NAV2: variants seen among roughly 807,000 people sequenced by gnomAD.
NAV2 encodes the protein helicase, APC down-regulated 1.
Under a neutral mutation model 223.2 loss-of-function variants are expected in NAV2, and 54 were observed. The observed-to-expected ratio is 0.24, with a 90% CI of 0.19 to 0.30. The LOEUF (loss-of-function observed/expected upper bound fraction) is 0.30. Among genes scored for constraint, NAV2 ranks in the 10% least tolerant of loss-of-function variants. The pLI is 1.00. For missense variants in NAV2, 2,806 were observed against 3,147.5 expected (o/e 0.89, Z 2.60); for synonymous variants, 1,279 against 1,239.3 (o/e 1.03, Z -0.67).
Position 19,485,163 on chromosome 11 carries a change from C to T in NAV2, c.75+134136C>T, listed in dbSNP as rs956060527. On this transcript the variant is annotated intron_variant, in intron 1 of 37. Coordinates refer to the NAV2 transcript ENST00000360655. ...TAGTGCAAAGGTCCTTATCTAGGGG[C>T]CTAAGAGCTTTACTTTGCCATAACT... is the stretch of plus-strand genomic sequence containing the variant. Among the ~76,000 whole-genome samples, 3 of 152,096 alleles carry T rather than the reference C, an allele frequency of 2.0e-5. No homozygotes were observed. In the East Asian group the frequency reaches 5.8e-4, roughly 29 times the overall value.
At chr11:19,678,100 G>T (rs1333564640) in intron 1 of NAV2, among the ~76,000 whole-genome samples, 1 of 152,190 alleles carries the variant, frequency 6.6e-6, no homozygotes, top group African/African-American at 2.4e-5. Context: ...AGGGGATGCT[G>T]ACCAAGAAGA....
intron 1 of NAV2, among the ~76,000 whole-genome samples, chr11:19,698,417 G>A (rs984393015): frequency 6.6e-6 from 1 of 152,220 alleles, no homozygotes; most frequent in African/African-American, 2.4e-5. Context: ...CCCTGGTGGA[G>A]AGCCATTGAA....
At chr11:19,876,549 A>T (rs1372914609) in intron 4 of NAV2, among the ~76,000 whole-genome samples, 1 of 152,208 alleles carries the variant, frequency 6.6e-6, no homozygotes, top group East Asian at 1.9e-4. Flanking sequence ...CTAAGAGGAA[A>T]TATATTTATT....
intron 3 of NAV2, among the ~76,000 whole-genome samples, chr11:19,864,396 A>C (rs914735132): frequency 6.6e-6 from 1 of 152,212 alleles, no homozygotes; most frequent in East Asian, 1.9e-4. Flanking sequence ...AACAGATGGT[A>C]TTTGATCAGT....
chr11:19,892,369 C>T, intron 5 of NAV2, 65 bp from the exon 6 acceptor site: 3 of 1,508,078 alleles, frequency 2.0e-6, no homozygotes, highest in East Asian at 2.3e-5. Flanking sequence ...GTTGCAGTTC[C>T]TTCTTCCTAC....
At chr11:20,039,332 T>A (rs1428860605) in intron 12 of NAV2, among the ~76,000 whole-genome samples, 1 of 152,192 alleles carries the variant, frequency 6.6e-6, no homozygotes, top group Non-Finnish European at 1.5e-5. Flanking sequence ...AGGGAAATGC[T>A]TTATCAGCAC....
chr11:19,897,124 A>G lies in NAV2; in HGVS notation c.931+4530A>G, dbSNP rs573505577. On this transcript the variant is annotated intron_variant, in intron 6 of 37. Transcript: ENST00000349880. ...TGGAAACCATCATTCTCAGCAAACTATCACAAGGACAAAAAACCAAACACC... is the reference window on the plus strand; with the variant it reads ...TGGAAACCATCATTCTCAGCAAACTGTCACAAGGACAAAAAACCAAACACC... 2.3e-3 allele frequency among the ~76,000 whole-genome samples: 353 copies of G among 152,146 alleles called. 7 individuals are homozygous for G. The East Asian group carries it at 0.042, about 18-fold the overall frequency.
chr11:19,432,696 G>T (rs1407217898), intron 1 of NAV2, among the ~76,000 whole-genome samples: 1 of 152,142 alleles, frequency 6.6e-6, no homozygotes, highest in African/African-American at 2.4e-5. Context: ...GTACAGCTAG[G>T]GTGTCCCTGT....
At chr11:19,914,828 G>A (rs933507816) in intron 6 of NAV2, among the ~76,000 whole-genome samples, 3 of 152,180 alleles carry the variant, frequency 2.0e-5, no homozygotes, top group African/African-American at 7.2e-5. Flanking sequence ...ACAGGCGTGA[G>A]CCACCGCGCC....
At position 19,674,036 on chromosome 11, in the gene NAV2, G is replaced by A. The variant is rs543673566; in HGVS notation, c.76-158448G>A. ...AATTAAGTAACAGCAACTCAGGGGC[G>A]CTTGGAAAGCAGCGTGGGCCGTCGT... On this transcript the variant is annotated intron_variant, in intron 1 of 37. Coordinates refer to the NAV2 transcript ENST00000360655. Among the ~76,000 whole-genome samples the A allele has an allele frequency of 2.3e-4, 35 of 152,298 alleles. 2 individuals carry two copies. The South Asian group carries it at 5.2e-3, about 23-fold the overall frequency.
intron 1 of NAV2, among the ~76,000 whole-genome samples, chr11:19,642,238 CA>C (rs1321465044): frequency 6.6e-6 from 1 of 152,188 alleles, no homozygotes; most frequent in African/African-American, 2.4e-5. Context: ...CCCACCCAGG[CA>C]CAAGCCAGGG....
chr11:20,093,295 C>G lies in NAV2; in HGVS notation c.5916+96C>G, dbSNP rs540817329. The G allele has an allele frequency of 1.2e-4, 95 of 801,648 alleles. 1 individual carries two copies. The East Asian group carries it at 2.1e-3, about 17-fold the overall frequency. 49.7% of individuals were successfully genotyped at this position (801,648 alleles called of 1,614,324 possible). A position where few individuals can be genotyped will look rare whatever the true frequency, so the allele number is the denominator to read the frequency against. The stretch of plus-strand genomic sequence containing the variant: ...TTGTAAAACCTCTATCACCTTGGAG[C>G]CTAAGGTGATTTGGAAATACTACTA... On this transcript the variant is annotated intron_variant, in intron 29 of 37. Transcript: ENST00000349880.
chr11:19,765,358 GTCC>G (rs1383494897), intron 1 of NAV2, among the ~76,000 whole-genome samples: 3 of 142,560 alleles, frequency 2.1e-5, no homozygotes, highest in South Asian at 2.2e-4. Flanking sequence ...TCCTCATCCT[GTCC>G]TCCTCATCTT....
intron 1 of NAV2, among the ~76,000 whole-genome samples, chr11:19,439,944 A>G (rs965804174): frequency 6.6e-6 from 1 of 152,228 alleles, no homozygotes; most frequent in South Asian, 2.1e-4. Flanking sequence ...AAATTGGTTT[A>G]AAAAAATTAA....
chr11:20,034,684 C>T (rs536504117), intron 11 of NAV2, among the ~76,000 whole-genome samples: 2 of 152,284 alleles, frequency 1.3e-5, no homozygotes, highest in East Asian at 1.9e-4. Flanking sequence ...GCCCAGCCCT[C>T]GATTAGCAAG....
intron 25 of NAV2, among the ~76,000 whole-genome samples, chr11:20,080,649 T>C (rs1417668524): frequency 6.6e-6 from 1 of 152,204 alleles, no homozygotes; most frequent in Non-Finnish European, 1.5e-5. Flanking sequence ...CCTAGGGATA[T>C]CATCAAACCA....
intron 1 of NAV2, chr11:19,714,300 C>T: frequency 1.8e-6 from 1 of 543,250 alleles, no homozygotes; most frequent in Non-Finnish European, 3.5e-6. Context: ...GGTCTTGGCC[C>T]CAAGAAGCCA....
rs1229346820 is a variant in NAV2, at chr11:19,351,143, G to A, written c.75+116G>A. ...TTGTCTGTCTTTCTCTCCGGAAGGAGGTAGCATGGTGGCTTGAGATTTGCT... is the reference window on the plus strand; with the variant it reads ...TTGTCTGTCTTTCTCTCCGGAAGGAAGTAGCATGGTGGCTTGAGATTTGCT... On this transcript the variant is annotated intron_variant, in intron 1 of 37. Transcript: ENST00000360655. 5 of 1,036,600 alleles carry A rather than the reference G, an allele frequency of 4.8e-6. No homozygotes were observed. In the East Asian group the frequency reaches 1.3e-4, roughly 27 times the overall value. The allele number at this position is 1,036,600 out of a possible 1,614,324, so 64.2% of individuals were successfully genotyped here.
At chr11:19,632,128 G>A (rs972321) in intron 1 of NAV2, among the ~76,000 whole-genome samples, 151,817 of 152,332 alleles carry the variant, frequency 1, 75,652 homozygotes, top group Middle Eastern at 1. Flanking sequence ...CAGCACACTA[G>A]GGACAGCTGT....
Sources: gnomAD v4.1 joint callset for allele counts (sites outside exome capture counted in the v4.1 genomes callset) on GRCh38, gnomAD v4.1.1 for gene constraint, MANE v1.5 for transcripts, NCBI Gene and HGNC (gene_info 2026-07-23, HGNC 2026-07-21) for gene names.